LRCH2: variants seen among roughly 807,000 people sequenced by gnomAD.
LRCH2 encodes leucine-rich repeat and calponin homology domain-containing protein 2.
A neutral mutation model predicts 68.9 loss-of-function variants in LRCH2; 38 were observed. The observed-to-expected ratio is 0.55, with a 90% confidence interval of 0.43 to 0.72. The LOEUF (loss-of-function observed/expected upper bound fraction) is 0.72, where lower values mean the gene tolerates loss of function less well. Ranked by LOEUF, LRCH2 falls within the 30% of genes least tolerant of loss-of-function variation. LRCH2 has a pLI of 0.00. For missense variants in LRCH2, 528 were observed against 572.9 expected, an observed-to-expected ratio of 0.92 and a Z score of 0.80; for synonymous variants, 191 against 208.1, an observed-to-expected ratio of 0.92 and a Z score of 0.71.
chrX:115,144,070 C>T (rs1044674181), intron 14 of LRCH2, among the ~76,000 whole-genome samples: 18 of 111,034 alleles, frequency 1.6e-4, no homozygotes, highest in Non-Finnish European at 2.8e-4. Flanking sequence ...AGGTTTTTCC[C>T]GTGTTGTTCT....
intron 14 of LRCH2, among the ~76,000 whole-genome samples, chrX:115,134,672 A>C (rs1556531348): frequency 8.9e-6 from 1 of 112,055 alleles, no homozygotes; most frequent in Non-Finnish European, 1.9e-5. Flanking sequence ...CTCAGAAAAA[A>C]AGATTCCTTT....
intron 5 of LRCH2, among the ~76,000 whole-genome samples, chrX:115,175,488 T>C (rs2072639840): frequency 9.0e-6 from 1 of 111,445 alleles, no homozygotes; most frequent in Admixed American, 9.5e-5. Context: ...CTTGCTAGGT[T>C]TTCCCACTCC....
intron 1 of LRCH2, among the ~76,000 whole-genome samples, chrX:115,204,858 C>T (rs4585915): frequency 0.077 from 8,585 of 111,350 alleles, 317 homozygotes; most frequent in Non-Finnish European, 0.11. Flanking sequence ...CCCTCCAAAC[C>T]GTTCCAACCT....
At chrX:115,116,505 T>C (rs988550939) in intron 20 of LRCH2, among the ~76,000 whole-genome samples, 4 of 110,738 alleles carry the variant, frequency 3.6e-5, no homozygotes, top group Non-Finnish European at 7.6e-5. Flanking sequence ...AGTAGGCAAA[T>C]CCATAGAAAG....
At chrX:115,217,548 G>A (rs1372473715) in intron 1 of LRCH2, among the ~76,000 whole-genome samples, 2 of 111,650 alleles carry the variant, frequency 1.8e-5, no homozygotes, top group Non-Finnish European at 3.8e-5. Context: ...TTCCTGCAAA[G>A]GACATGAACT....
At chrX:115,168,264 G>A (rs1363181782) in intron 6 of LRCH2, among the ~76,000 whole-genome samples, 1 of 111,645 alleles carries the variant, frequency 9.0e-6, no homozygotes, top group African/African-American at 3.2e-5. Flanking sequence ...GTATGAAAGT[G>A]GAAAGCACAT....
chrX:115,191,243 C>A, intron 1 of LRCH2: 1 of 1,153,557 alleles, frequency 8.7e-7, no homozygotes, highest in Non-Finnish European at 1.2e-6. Flanking sequence ...TCCCTCGATG[C>A]CAACAGTGGA....
At chrX:115,195,532 G>A (rs782652187) in intron 1 of LRCH2, among the ~76,000 whole-genome samples, 1 of 110,027 alleles carries the variant, frequency 9.1e-6, no homozygotes, top group Non-Finnish European at 1.9e-5. Flanking sequence ...CAAGATAGCT[G>A]ACTAAAAACA....
intron 3 of LRCH2, among the ~76,000 whole-genome samples, chrX:115,180,860 AG>A (rs1157943147): frequency 8.9e-6 from 1 of 111,768 alleles, no homozygotes; most frequent in Non-Finnish European, 1.9e-5. Flanking sequence ...GGATTTATCA[AG>A]GGGCAAAACA....
intron 1 of LRCH2, among the ~76,000 whole-genome samples, chrX:115,195,147 G>C (rs782568925): frequency 5.4e-5 from 6 of 110,129 alleles, no homozygotes; most frequent in Non-Finnish European, 7.6e-5. Context: ...AGCCAGACGT[G>C]GTGGCGCACG....
At chrX:115,178,622 T>C (rs1204013652) in intron 5 of LRCH2, among the ~76,000 whole-genome samples, 1 of 111,934 alleles carries the variant, frequency 8.9e-6, no homozygotes, top group Non-Finnish European at 1.9e-5. Flanking sequence ...CAGGCACAAG[T>C]TTCAGCTTTC....
intron 6 of LRCH2, among the ~76,000 whole-genome samples, chrX:115,167,618 C>T (rs782347990): frequency 1.8e-5 from 2 of 110,562 alleles, no homozygotes; most frequent in Non-Finnish European, 3.8e-5. Flanking sequence ...ATAATTCTTA[C>T]AGTCTTGAAG....
intron 1 of LRCH2, among the ~76,000 whole-genome samples, chrX:115,227,145 C>T (rs145339030): frequency 1.2e-3 from 130 of 110,510 alleles, no homozygotes; most frequent in African/African-American, 4.1e-3. Context: ...TGTCTTCAGC[C>T]AGGTGTGGTG....
chrX:115,214,002 T>C (rs1484792318), intron 1 of LRCH2, among the ~76,000 whole-genome samples: 1 of 112,153 alleles, frequency 8.9e-6, no homozygotes, highest in East Asian at 2.8e-4. Context: ...TAGACCATTA[T>C]ATTCATTTCT....
At chrX:115,135,814 C>T (rs782113963) in intron 14 of LRCH2, among the ~76,000 whole-genome samples, 1 of 111,960 alleles carries the variant, frequency 8.9e-6, no homozygotes, top group East Asian at 2.8e-4. Flanking sequence ...CACAAGACCC[C>T]CCACCAGTAA....
In LRCH2 at chrX:115,188,378, G is replaced by A. The variant is rs782361555; in HGVS notation, c.350-8C>T. ...AACGATTTCTGGAAAGATCTGAAAA[G>A]AAAATAGTGAGTATTAAACATATAC... On this transcript the variant is annotated splice_region_variant and splice_polypyrimidine_tract_variant and intron_variant, in intron 1 of 20. Transcript: ENST00000317135. 1 of 1,145,067 alleles carries A rather than the reference G, an allele frequency of 8.7e-7. No homozygotes were observed. The highest frequency in any genetic ancestry group is 2.5e-5 in the Admixed American group (1 of 39,396). The allele number at this position is 1,145,067 out of a possible 1,213,427, so 94.4% of individuals were successfully genotyped here.
At chrX:115,157,839 A>G (rs782817860) in intron 11 of LRCH2, among the ~76,000 whole-genome samples, 13 of 110,144 alleles carry the variant, frequency 1.2e-4, no homozygotes, top group African/African-American at 2.0e-4. Context: ...TCAAACTACA[A>G]TGGCCTTCAC....
intron 1 of LRCH2, among the ~76,000 whole-genome samples, chrX:115,195,676 AG>A (rs1247443228): frequency 8.9e-6 from 1 of 111,819 alleles, no homozygotes; most frequent in African/African-American, 3.3e-5. Flanking sequence ...GGGAATGAGA[AG>A]AAAAGCAGAC....
At chrX:115,153,480 T>C (rs985617033) in intron 12 of LRCH2, among the ~76,000 whole-genome samples, 1 of 111,233 alleles carries the variant, frequency 9.0e-6, no homozygotes, top group African/African-American at 3.3e-5. Context: ...TAAAGGGCAC[T>C]GGAGATAGTA....
Sources: gnomAD v4.1 joint callset for allele counts (sites outside exome capture counted in the v4.1 genomes callset) on GRCh38, gnomAD v4.1.1 for gene constraint, MANE v1.5 for transcripts, NCBI Gene and HGNC (gene_info 2026-07-23, HGNC 2026-07-21) for gene names.